The following LRP5 variants were observed in gnomAD, a reference collection of about 807,000 sequenced individuals.
LRP5 encodes the protein low-density lipoprotein receptor-related protein 5.
LRP5 carries 62 observed loss-of-function variants against 154.1 expected under a neutral mutation model. That is an observed-to-expected ratio of 0.40 (90% CI 0.33 to 0.50). The LOEUF is 0.50. LRP5 is among the 20% of genes least tolerant of loss of function. The pLI is 0.55. For missense variants in LRP5, 1,915 were observed against 2,336.7 expected, an observed-to-expected ratio of 0.82 and a Z score of 3.72; for synonymous variants, 966 against 1,011.5, an observed-to-expected ratio of 0.96 and a Z score of 0.85.
Position 68,449,210 on chromosome 11 carries a change from TG to T in LRP5, c.*143del. The T allele has an allele frequency of 2.9e-6, 1 of 348,342 alleles. No individual in the cohort carries two copies. The highest frequency in any genetic ancestry group is 3.6e-5 in the South Asian group (1 of 27,682). The allele number at this position is 348,342 out of a possible 1,614,324, so 21.6% of individuals were successfully genotyped here. ...ATGAGAAATGTGAACTGTGATGGGG[TG>T]GGCAGGGCTGGGAGAACTTTGTACA... On this transcript the variant is annotated 3_prime_UTR_variant, in exon 23 of 23. Transcript: ENST00000294304.
At chr11:68,311,568 G>C (rs2098587874), upstream of LRP5, among the ~76,000 whole-genome samples, 1 of 152,170 alleles carries the variant, frequency 6.6e-6, no homozygotes, top group Admixed American at 6.6e-5. Context: ...CCGTCTTCTT[G>C]TTTTTGTTGG....
At chr11:68,407,213 G>T (rs931334508) in intron 9 of LRP5, among the ~76,000 whole-genome samples, 8 of 150,150 alleles carry the variant, frequency 5.3e-5, no homozygotes, top group African/African-American at 2.0e-4. Context: ...CTGTTGCCCA[G>T]GCTGGAGTAC....
chr11:68,379,206 G>C (rs903978872), intron 5 of LRP5, among the ~76,000 whole-genome samples: 17 of 152,136 alleles, frequency 1.1e-4, no homozygotes, highest in African/African-American at 3.9e-4. Flanking sequence ...TTTCCTGCCT[G>C]TGTCATCACC....
chr11:68,378,394 CA>C (rs1014149582), intron 5 of LRP5, among the ~76,000 whole-genome samples: 15 of 152,146 alleles, frequency 9.9e-5, no homozygotes, highest in African/African-American at 3.6e-4. Flanking sequence ...CCTGTCAACA[CA>C]TCTCAGACCC....
intron 13 of LRP5, among the ~76,000 whole-genome samples, chr11:68,416,763 G>T (rs534677612): frequency 2.5e-4 from 38 of 152,256 alleles, no homozygotes; most frequent in Non-Finnish European, 4.7e-4. Flanking sequence ...GTCATGGTGG[G>T]GTCAGACCCC....
At chr11:68,421,281 G>A (rs190809247) in intron 13 of LRP5, among the ~76,000 whole-genome samples, 2 of 152,310 alleles carry the variant, frequency 1.3e-5, no homozygotes, top group East Asian at 3.9e-4. Flanking sequence ...AGAGTTCAGG[G>A]TTTATGAAAC....
intron 9 of LRP5, among the ~76,000 whole-genome samples, chr11:68,407,759 A>G (rs1302352487): frequency 6.6e-6 from 1 of 152,048 alleles, no homozygotes; most frequent in African/African-American, 2.4e-5. Flanking sequence ...AAGCAGGAGA[A>G]TTGCTTGAAC....
intron 7 of LRP5, among the ~76,000 whole-genome samples, chr11:68,400,876 G>A (rs573788676): frequency 6.6e-6 from 1 of 152,304 alleles, no homozygotes; most frequent in South Asian, 2.1e-4. Flanking sequence ...CCAACATGGT[G>A]GAACCCCATC....
intron 19 of LRP5, among the ~76,000 whole-genome samples, chr11:68,437,704 C>T (rs1893209): frequency 0.12 from 18,224 of 152,262 alleles, 1,567 homozygotes; most frequent in African/African-American, 0.24. Context: ...CCTCAAGGGA[C>T]TCCCTGTGCC....
At chr11:68,389,759 C>G in intron 6 of LRP5, 122 bp from the exon 7 acceptor site, 1 of 942,506 alleles carries the variant, frequency 1.1e-6, no homozygotes, top group Non-Finnish European at 1.7e-6. Flanking sequence ...CCAATATTTA[C>G]TGACATCAAC....
chr11:68,383,690 G>C (rs1436074750), intron 5 of LRP5, among the ~76,000 whole-genome samples: 2 of 152,254 alleles, frequency 1.3e-5, no homozygotes, highest in African/African-American at 4.8e-5. Context: ...AGAGCAGGGG[G>C]CTTGTGCCAG....
At chr11:68,333,366 C>T (rs886295931) in intron 1 of LRP5, among the ~76,000 whole-genome samples, 3 of 152,184 alleles carry the variant, frequency 2.0e-5, no homozygotes, top group Non-Finnish European at 4.4e-5. Flanking sequence ...CTTGTAGACA[C>T]CTGAACTTCA....
At chr11:68,376,514 A>G (rs930430105) in intron 5 of LRP5, among the ~76,000 whole-genome samples, 4 of 152,270 alleles carry the variant, frequency 2.6e-5, no homozygotes, top group East Asian at 1.9e-4. Context: ...CCTGAGGCAC[A>G]CGGTGCCGAG....
At position 68,413,117 on chromosome 11, in the gene LRP5, G is replaced by A. The variant is rs927864491; in HGVS notation, c.2504-572G>A. ...TCCCGTGACCCAGCTCATCCAGGCCGCATGCAAACCTGTTGCCAGGCGAGA... is the reference window on the plus strand; with the variant it reads ...TCCCGTGACCCAGCTCATCCAGGCCACATGCAAACCTGTTGCCAGGCGAGA... On this transcript the variant is annotated intron_variant, in intron 11 of 22. Transcript: ENST00000294304. This position sits in a 1 kb window ranked among gnomAD's most constrained non-coding sequence, Gnocchi z 5.1. The A allele has an allele frequency of 1.5e-5, 3 of 197,242 alleles. No individual in the cohort carries two copies. Among genetic ancestry groups the A allele is most frequent in the Non-Finnish European group, 3.2e-5 (3 of 94,610 alleles). The allele number at this position is 197,242 out of a possible 1,614,324, so 12.2% of individuals were successfully genotyped here.
At chr11:68,412,303 C>T (rs1183869485) in intron 11 of LRP5, among the ~76,000 whole-genome samples, 1 of 152,034 alleles carries the variant, frequency 6.6e-6, no homozygotes, top group Non-Finnish European at 1.5e-5. Flanking sequence ...ACAAAGGAAC[C>T]CCCATCCCCC....
intron 1 of LRP5, among the ~76,000 whole-genome samples, chr11:68,341,095 C>T (rs959695599): frequency 2.1e-5 from 2 of 93,980 alleles, no homozygotes; most frequent in African/African-American, 9.6e-5. Context: ...ACAAATAAGG[C>T]CTCAGCAAAT....
chr11:68,444,545 G>A (rs1389959599), intron 21 of LRP5, among the ~76,000 whole-genome samples: 3 of 332 alleles, frequency 9.0e-3, no homozygotes, highest in East Asian at 0.083. Flanking sequence ...AATAGCAGAT[G>A]AGCCGAGTGG....
At chr11:68,426,593 A>AG (rs2098668920) in intron 16 of LRP5, among the ~76,000 whole-genome samples, 2 of 149,356 alleles carry the variant, frequency 1.3e-5, no homozygotes, top group South Asian at 4.2e-4. Flanking sequence ...ACACCTGGCT[A>AG]ATTTTTTTTT....
chr11:68,323,057 A>G (rs1363924401), intron 1 of LRP5, among the ~76,000 whole-genome samples: 1 of 152,190 alleles, frequency 6.6e-6, no homozygotes, highest in Non-Finnish European at 1.5e-5. Context: ...TCATGCAAAA[A>G]AGGAATTATG....
Sources: allele counts gnomAD v4.1 joint callset (sites outside exome capture counted in the v4.1 genomes callset), GRCh38; gene constraint gnomAD v4.1.1; non-coding constraint Gnocchi (gnomAD v3.1); transcripts MANE v1.5; gene names NCBI Gene and HGNC (gene_info 2026-07-23, HGNC 2026-07-21).